The following KCNN3 variants were observed in gnomAD, a reference collection of about 807,000 sequenced individuals.
KCNN3 encodes the protein small conductance calcium-activated potassium channel protein 3.
In KCNN3, 16 loss-of-function variants were observed where a neutral mutation model predicts 62.9. That is an observed-to-expected ratio of 0.25 (90% confidence interval 0.17 to 0.39). KCNN3 has a LOEUF of 0.39. Among genes scored for constraint, KCNN3 ranks in the 10% least tolerant of loss-of-function variants. KCNN3 has a pLI of 1.00. For synonymous variants in KCNN3, 370 were observed against 389.2 expected, an observed-to-expected ratio of 0.95 and a Z score of 0.58; for missense variants, 599 against 949.4, an observed-to-expected ratio of 0.63 and a Z score of 4.85.
chr1:154,759,957 C>CT (rs1647921914), intron 3 of KCNN3, among the ~76,000 whole-genome samples: 1 of 152,072 alleles, frequency 6.6e-6, no homozygotes. Context: ...TTACCAGTTT[C>CT]TTTTTTATTT....
intron 3 of KCNN3, among the ~76,000 whole-genome samples, chr1:154,748,205 T>C (rs923421972): frequency 6.6e-6 from 1 of 152,132 alleles, no homozygotes. Flanking sequence ...TTAAAGCCAT[T>C]CTGGGTCTCT....
intron 7 of KCNN3, 85 bp from the exon 8 acceptor site, chr1:154,708,357 A>T: frequency 7.4e-7 from 1 of 1,348,766 alleles, no homozygotes. Flanking sequence ...AACGCCCTCC[A>T]CAGTATGACA....
intron 1 of KCNN3, among the ~76,000 whole-genome samples, chr1:154,857,265 C>T (rs374054807): frequency 4.6e-5 from 7 of 152,182 alleles, no homozygotes; most frequent in Non-Finnish European, 7.3e-5. Context: ...GCTGCACAGC[C>T]GAGAAGCCAC....
At chr1:154,715,107 G>T (rs1345037404) in intron 5 of KCNN3, 104 bp from the exon 6 acceptor site, 4 of 1,399,540 alleles carry the variant, frequency 2.9e-6, no homozygotes, top group African/African-American at 2.8e-5. Flanking sequence ...ATTTTGCAAT[G>T]ATCTATTTTC....
chr1:154,846,395 C>A (rs144354385), intron 1 of KCNN3, among the ~76,000 whole-genome samples: 1 of 152,194 alleles, frequency 6.6e-6, no homozygotes, highest in Non-Finnish European at 1.5e-5. Context: ...TTACAGCCCC[C>A]GAGGCTCCTT....
At chr1:154,865,144 G>A (rs1378950368) in intron 1 of KCNN3, among the ~76,000 whole-genome samples, 1 of 152,092 alleles carries the variant, frequency 6.6e-6, no homozygotes, top group Non-Finnish European at 1.5e-5. Flanking sequence ...AGGGAAGAGA[G>A]CATACAGGTA....
intron 2 of KCNN3, among the ~76,000 whole-genome samples, chr1:154,782,441 T>A (rs576152584): frequency 2.5e-4 from 38 of 152,244 alleles, no homozygotes; most frequent in Non-Finnish European, 3.7e-4. Flanking sequence ...GGCTGCCATC[T>A]CACTGTGTCC....
In KCNN3 at chr1:154,772,230, C is replaced by T. The variant is rs771961515; in HGVS notation, c.1193G>A (p.Arg398Gln). 17 of 1,614,080 alleles carry T rather than the reference C, an allele frequency of 1.1e-5. No homozygotes were observed. Among genetic ancestry groups the T allele is most frequent in the East Asian group, 4.5e-5 (2 of 44,898 alleles). ...ARLAFSYTPSRAEADVDIILS... is the reference protein window; with the variant it reads ...ARLAFSYTPSQAEADVDIILS... ...GATGATGTCCACATCGGCCTCCGCC[C>T]GGGAGGGTGTGTAGGAGAAGGCCAG... Residue 398 changes from arginine to glutamine, a missense_variant, in exon 3 of 8, where the codon CGG (arginine) becomes CAG (glutamine). This residue lies in a region of KCNN3 where 288 missense variants were observed against 557.4 expected (regional missense o/e 0.52). Coordinates refer to ENST00000271915, the MANE Select transcript of KCNN3 (RefSeq NM_002249.6). This position sits in a 1 kb window ranked among gnomAD's most constrained non-coding sequence, Gnocchi z 5.6.
chr1:154,731,346 C>T (rs963714017), intron 4 of KCNN3, among the ~76,000 whole-genome samples: 1 of 152,242 alleles, frequency 6.6e-6, no homozygotes. Context: ...ACAACCCCAG[C>T]GCTAAGCTTT....
intron 1 of KCNN3, among the ~76,000 whole-genome samples, chr1:154,827,279 T>C (rs756434221): frequency 1.3e-4 from 20 of 152,210 alleles, no homozygotes; most frequent in Admixed American, 2.6e-4. Context: ...TGCTAATTAA[T>C]GCTATGCAAA....
At chr1:154,802,541 T>G (rs908428418) in intron 2 of KCNN3, among the ~76,000 whole-genome samples, 4 of 152,266 alleles carry the variant, frequency 2.6e-5, no homozygotes, top group African/African-American at 9.6e-5. Flanking sequence ...GGGCTCAGCA[T>G]TATCCAGAAA....
intron 1 of KCNN3, among the ~76,000 whole-genome samples, chr1:154,851,069 C>T (rs2878411): frequency 0.47 from 71,583 of 152,022 alleles, 19,120 homozygotes; most frequent in East Asian, 0.97. Flanking sequence ...CCTCCGCCTT[C>T]CCGGGTTCAA....
At chr1:154,857,697 G>T (rs1652594661) in intron 1 of KCNN3, among the ~76,000 whole-genome samples, 1 of 152,218 alleles carries the variant, frequency 6.6e-6, no homozygotes, top group African/African-American at 2.4e-5. Context: ...GAGACCCTGA[G>T]CAAGTCACTT....
Position 154,701,876 on chromosome 1 carries a change from A to C in KCNN3, c.*6100T>G, listed in dbSNP as rs775656858. ...GATTTTGAGTATTTTAAGTTACAGG[A>C]AAACAGGACTCTTTCTTATGTCCAA... On this transcript the variant is annotated 3_prime_UTR_variant, in exon 8 of 8. Coordinates refer to ENST00000271915, the MANE Select transcript of KCNN3 (RefSeq NM_002249.6). 1 of 152,210 alleles carries C rather than the reference A, an allele frequency of 6.6e-6. No individual in the cohort carries two copies. The highest frequency in any genetic ancestry group is 1.5e-5 in the Non-Finnish European group (1 of 68,038). 9.4% of individuals were successfully genotyped at this position (152,210 alleles called of 1,614,324 possible).
chr1:154,833,025 G>C (rs1258974492), intron 1 of KCNN3, among the ~76,000 whole-genome samples: 1 of 152,120 alleles, frequency 6.6e-6, no homozygotes, highest in East Asian at 1.9e-4. Flanking sequence ...AAGGCCTACA[G>C]ACAACTCCCC....
chr1:154,869,421 C>CGCTATACTTGCA lies in KCNN3; in HGVS notation c.532_543dup (p.Cys178_Ser181dup). On this transcript the variant is annotated inframe_insertion, in exon 1 of 8. Transcript: ENST00000271915. The surrounding 1 kb of genome is among the most constrained non-coding windows in gnomAD (Gnocchi z 6.1). Reference sequence around the variant, plus strand: ...CGGCTGAGGGGCTTCATGACCCCACCGCTATACTTGCAGGAGCTCATGGCG... The same window carrying CGCTATACTTGCA: ...CGGCTGAGGGGCTTCATGACCCCACCGCTATACTTGCAGCTATACTTGCAGGAGCTCATGGCG... 1 of 1,614,000 alleles carries CGCTATACTTGCA rather than the reference C, an allele frequency of 6.2e-7. No individual in the cohort carries two copies. The highest frequency in any genetic ancestry group is 1.7e-4 in the Middle Eastern group (1 of 6,060).
Position 154,869,565 on chromosome 1 carries a change from C to T in KCNN3, c.400G>A (p.Asp134Asn), listed in dbSNP as rs374255471. The change falls in exon 1 of 8, where the codon GAC becomes AAC. Residue 134 changes from aspartate to asparagine, a missense_variant. Asp to Asn is a conservative substitution (Grantham distance 23). This residue lies in a region of KCNN3 where 112 missense variants were observed against 142.9 expected (regional missense o/e 0.78). Transcript: ENST00000271915. The surrounding 1 kb of genome is among the most constrained non-coding windows in gnomAD (Gnocchi z 6.1). The stretch of plus-strand genomic sequence containing the variant: ...CTTGGAGAGTGGCCAAGCAAGTGGT[C>T]ATTGAGATTGAGCTGGCTGCCTTGC... Reference protein sequence around the residue: ...SRQGSQLNLNDHLLGHSPSST... With the variant: ...SRQGSQLNLNNHLLGHSPSST... 8 of 1,613,868 alleles carry T rather than the reference C, an allele frequency of 5.0e-6. No individual in the cohort carries two copies. The highest frequency in any genetic ancestry group is 1.3e-5 in the African/African-American group (1 of 74,826).
Position 154,746,225 on chromosome 1 carries a change from A to T in KCNN3, c.1449-13081T>A, listed in dbSNP as rs555672386. ...AGAAGGCAGACACCAAGCAACACCA[A>T]GGCAAAAAAGGGCCGCGTTACAATG... is the stretch of plus-strand genomic sequence containing the variant. On this transcript the variant is annotated intron_variant, in intron 3 of 7. Transcript: ENST00000271915. 4.6e-5 allele frequency among the ~76,000 whole-genome samples: 7 copies of T among 152,350 alleles called. No individual in the cohort carries two copies. The South Asian group carries it at 1.5e-3, about 32-fold the overall frequency.
chr1:154,712,967 C>T lies in KCNN3; in HGVS notation c.1899+497G>A, dbSNP rs141412934. On this transcript the variant is annotated intron_variant, in intron 7 of 7. Coordinates refer to ENST00000271915, the MANE Select transcript of KCNN3 (RefSeq NM_002249.6). ...CTTGAGAAGTAAAGAAATGCACCCC[C>T]CCACACACACCACTGCCGCCAATTT... Among the ~76,000 whole-genome samples the T allele has an allele frequency of 1.7e-3, 257 of 152,240 alleles. No individual in the cohort carries two copies. In the Middle Eastern group the frequency reaches 0.017, roughly 10 times the overall value.
Sources: gnomAD v4.1 joint callset for allele counts (sites outside exome capture counted in the v4.1 genomes callset) on GRCh38, gnomAD v4.1.1 for gene constraint, gnomAD v4.1.1 regional missense constraint, Gnocchi (gnomAD v3.1) non-coding constraint, MANE v1.5 for transcripts, NCBI Gene and HGNC (gene_info 2026-07-23, HGNC 2026-07-21) for gene names.